SEMA4A: variants seen among roughly 807,000 people sequenced by gnomAD.
SEMA4A encodes the protein semaphorin 4A.
In SEMA4A, 52 loss-of-function variants were observed where a neutral mutation model predicts 72.5. That is an observed-to-expected ratio of 0.72 (90% CI 0.57 to 0.90). The LOEUF (loss-of-function observed/expected upper bound fraction) is 0.90, where lower values mean the gene tolerates loss of function less well. Among genes scored for constraint, SEMA4A ranks in the 40% least tolerant of loss-of-function variants. The pLI is 0.00. For synonymous variants in SEMA4A, 369 were observed against 393.1 expected, an observed-to-expected ratio of 0.94 and a Z score of 0.73; for missense variants, 926 against 959.7, an observed-to-expected ratio of 0.96 and a Z score of 0.46.
At chr1:156,159,120 C>T in intron 6 of SEMA4A, 2 of 413,510 alleles carry the variant, frequency 4.8e-6, no homozygotes, top group South Asian at 2.3e-5. Context: ...GATCATGTGA[C>T]CCCAGGAGTC....
At chr1:156,147,848 C>A (rs1286690826), upstream of SEMA4A, among the ~76,000 whole-genome samples, 1 of 152,206 alleles carries the variant, frequency 6.6e-6, no homozygotes, top group Non-Finnish European at 1.5e-5. Context: ...AAGGCTCTCT[C>A]TCCCTCTCCA....
At chr1:156,156,122 G>C in intron 2 of SEMA4A, 2 of 417,780 alleles carry the variant, frequency 4.8e-6, no homozygotes. Flanking sequence ...CCTCCCCGAC[G>C]GTAGCCCTCC....
At chr1:156,161,310 G>GGGGGGCGCC in intron 8 of SEMA4A, 36 bp from the exon 9 acceptor site, 1 of 1,381,202 alleles carries the variant, frequency 7.2e-7, no homozygotes, top group Non-Finnish European at 9.7e-7. Context: ...GGGTCGGGGC[G>GGGGGGCGCC]CCCGGGGCGC....
At position 156,176,705 on chromosome 1, in the gene SEMA4A, T is replaced by C. The variant is rs1655371827; in HGVS notation, c.1994T>C (p.Leu665Ser). 6.2e-7 allele frequency: 1 copy of C among 1,613,940 alleles called. No homozygotes were observed. The highest frequency in any genetic ancestry group is 8.5e-7 in the Non-Finnish European group (1 of 1,179,906). Residue 665 changes from leucine to serine, a missense_variant, in exon 15 of 15, where the codon TTG becomes TCG. Transcript: ENST00000368285. ...GIPREHVKVP[L>S]TRVSGGAALA... Reference sequence around the variant, plus strand: ...CCCCGGGAGCATGTGAAGGTCCCGTTGACCAGGGTCAGTGGTGGGGCCGCC... The same window carrying C: ...CCCCGGGAGCATGTGAAGGTCCCGTCGACCAGGGTCAGTGGTGGGGCCGCC...
upstream of SEMA4A, among the ~76,000 whole-genome samples, chr1:156,151,851 A>G (rs1652563228): frequency 2.0e-5 from 3 of 150,992 alleles, no homozygotes; most frequent in Middle Eastern, 3.4e-3. Context: ...AAAAAAAAAA[A>G]AAAAAAAAAA....
rs761940603 is a variant in SEMA4A, at chr1:156,154,676, G to A, written c.98G>A (p.Gly33Glu). Residue 33 changes from glycine (G) to glutamate (E), a missense_variant, in exon 2 of 15, where the codon GGA becomes GAA. Coordinates refer to ENST00000368285, the MANE Select transcript of SEMA4A (RefSeq NM_022367.4). Reference protein sequence around the residue: ...QLLLPTTTAGGGGQGPMPRVR... With the variant: ...QLLLPTTTAGEGGQGPMPRVR... ...CTGCTGCCGACGACGACCGCGGGGG[G>A]AGGCGGGCAGGGGCCCATGCCCAGG... 6.3e-7 allele frequency: 1 copy of A among 1,598,230 alleles called. No individual in the cohort carries two copies. Among genetic ancestry groups the A allele is most frequent in the East Asian group, 2.2e-5 (1 of 44,450 alleles).
chr1:156,156,780 G>T (rs962458569), intron 3 of SEMA4A, among the ~76,000 whole-genome samples: 4 of 144,976 alleles, frequency 2.8e-5, no homozygotes, highest in African/African-American at 1.0e-4. Flanking sequence ...GTCTTGCTCC[G>T]TTGCCCAGGC....
At position 156,177,315 on chromosome 1, in the gene SEMA4A, A is replaced by G. The variant is rs1655451266; in HGVS notation, c.*318A>G. 1 of 452,334 alleles carries G rather than the reference A, an allele frequency of 2.2e-6. No individual in the cohort carries two copies. Among genetic ancestry groups the G allele is most frequent in the Non-Finnish European group, 4.1e-6 (1 of 243,764 alleles). The allele number at this position is 452,334 out of a possible 1,614,324, so 28.0% of individuals were successfully genotyped here. ...GCCATTCCAGGGACCCTCCAGAAAC[A>G]CAGTGTTTCAAGAGACCCTAAAAAA... On this transcript the variant is annotated 3_prime_UTR_variant, in exon 15 of 15. Transcript: ENST00000368285.
In SEMA4A at chr1:156,176,645, A is replaced by G; in HGVS notation, c.1934A>G (p.Gln645Arg). Residue 645 changes from glutamine (Q) to arginine (R), a missense_variant, in exon 15 of 15, where the codon CAG becomes CGG. Gln to Arg is a conservative substitution (Grantham distance 43, BLOSUM62 1). Coordinates refer to ENST00000368285, the MANE Select transcript of SEMA4A (RefSeq NM_022367.4). ...VISYWVDSQD[Q>R]TLALDPELAG... ...TCCTACTGGGTGGACAGCCAGGACC[A>G]GACCCTGGCCCTGGATCCTGAACTG... 6.2e-7 allele frequency: 1 copy of G among 1,614,224 alleles called. No homozygotes were observed. The highest frequency in any genetic ancestry group is 8.5e-7 in the Non-Finnish European group (1 of 1,180,046).
chr1:156,158,228 G>C, intron 4 of SEMA4A, 96 bp downstream of exon 4: 1 of 1,344,456 alleles, frequency 7.4e-7, no homozygotes, highest in Non-Finnish European at 1.1e-6. Flanking sequence ...GCAGTGGAGG[G>C]CACTTGTTTG....
intron 5 of SEMA4A, 100 bp downstream of exon 5, chr1:156,158,586 T>C (rs1219003125): frequency 2.3e-6 from 3 of 1,295,850 alleles, no homozygotes; most frequent in Non-Finnish European, 3.4e-6. Flanking sequence ...GCCTTCCAGA[T>C]GCAGGACCCT....
intron 2 of SEMA4A, 148 bp downstream of exon 2, chr1:156,154,865 GAGAA>G (rs1374135764): frequency 1.0e-6 from 1 of 994,008 alleles, no homozygotes; most frequent in Non-Finnish European, 1.4e-6. Context: ...GAGGATCTCG[GAGAA>G]AGAGAGACAC....
intron 10 of SEMA4A, among the ~76,000 whole-genome samples, chr1:156,169,750 G>C (rs753310189): frequency 1.3e-5 from 2 of 151,260 alleles, no homozygotes; most frequent in African/African-American, 4.8e-5. Context: ...TTCCCTGGTC[G>C]GGCGTGGTGG....
intron 10 of SEMA4A, chr1:156,163,327 C>T: frequency 1.8e-6 from 1 of 566,158 alleles, no homozygotes; most frequent in South Asian, 2.0e-5. Flanking sequence ...AAGTGTACAC[C>T]AAATATCTGG....
chr1:156,161,078 G>A, intron 8 of SEMA4A, 49 bp downstream of exon 8: 2 of 1,595,584 alleles, frequency 1.3e-6, no homozygotes, highest in African/African-American at 1.4e-5. Context: ...GAACCAATAG[G>A]GAGATGGCAG....
Position 156,161,445 on chromosome 1 carries a change from A to T in SEMA4A, c.910A>T (p.Ile304Phe), listed in dbSNP as rs747472027. 2 of 1,613,936 alleles carry T rather than the reference A, an allele frequency of 1.2e-6. No homozygotes were observed. Among genetic ancestry groups the T allele is most frequent in the Non-Finnish European group, 1.7e-6 (2 of 1,179,972 alleles). ...TQPGQLPFNV[I>F]RHAVLLPADS... ...GCCGGGGCAGCTGCCCTTCAACGTC[A>T]TCCGCCACGCGGTCCTGCTCCCCGC... Residue 304 changes from isoleucine to phenylalanine, a missense_variant, in exon 9 of 15, where the codon ATC becomes TTC. Coordinates refer to ENST00000368285, the MANE Select transcript of SEMA4A (RefSeq NM_022367.4).
intron 1 of SEMA4A, 183 bp from the exon 2 acceptor site, chr1:156,154,367 T>G (rs1652799922): frequency 4.9e-6 from 3 of 613,016 alleles, no homozygotes; most frequent in Non-Finnish European, 8.7e-6. Flanking sequence ...GGCTGAGGCC[T>G]GGAAGGATGA....
Position 156,171,782 on chromosome 1 carries a change from A to ATTT in SEMA4A, c.1135-1044_1135-1043insTTT, listed in dbSNP as rs1558159897. Among the ~76,000 whole-genome samples, 7 of 147,270 alleles carry ATTT rather than the reference A, an allele frequency of 4.8e-5. No homozygotes were observed. The East Asian group carries it at 6.0e-4, about 13-fold the overall frequency. On this transcript the variant is annotated intron_variant, in intron 10 of 14. Coordinates refer to ENST00000368285, the MANE Select transcript of SEMA4A (RefSeq NM_022367.4). ...TAATTAATTAATTAATTAATTAATT[A>ATTT]ATTTATTTATTTTGTTTTTGAGACC... is the stretch of plus-strand genomic sequence containing the variant.
chr1:156,152,533 A>C (rs144164519), upstream of SEMA4A, among the ~76,000 whole-genome samples: 1,475 of 152,230 alleles, frequency 9.7e-3, 28 homozygotes, highest in African/African-American at 0.034. Flanking sequence ...AAGAAACTGG[A>C]AGGGACCTGG....
Sources: allele counts gnomAD v4.1 joint callset (sites outside exome capture counted in the v4.1 genomes callset), GRCh38; gene constraint gnomAD v4.1.1; transcripts MANE v1.5; gene names NCBI Gene and HGNC (gene_info 2026-07-23, HGNC 2026-07-21).